The following LMO7 variants were observed in gnomAD, a reference collection of about 807,000 sequenced individuals.
LMO7 encodes LIM domain 7, also known as LIM domain only protein 7.
Under a neutral mutation model 206.5 loss-of-function variants are expected in LMO7, and 120 were observed. The ratio of observed to expected loss-of-function variants is 0.58; its 90% CI spans 0.50 to 0.68. The LOEUF (loss-of-function observed/expected upper bound fraction) is 0.68, where lower values mean the gene tolerates loss of function less well. Among genes scored for constraint, LMO7 ranks in the 30% least tolerant of loss-of-function variants. LMO7 has a pLI of 0.00. For missense variants in LMO7, 1,959 were observed against 1,957.9 expected (o/e 1.00, Z -0.01); for synonymous variants, 706 against 681.5 (o/e 1.04, Z -0.56).
intron 26 of LMO7, among the ~76,000 whole-genome samples, chr13:75,846,960 G>T (rs914352221): frequency 3.3e-5 from 5 of 151,084 alleles, no homozygotes; most frequent in Non-Finnish European, 5.9e-5. Flanking sequence ...GAACCCGGGA[G>T]GCAGAGGTTG....
At chr13:75,846,980 G>A (rs979610402) in intron 26 of LMO7, among the ~76,000 whole-genome samples, 1 of 147,978 alleles carries the variant, frequency 6.8e-6, no homozygotes, top group Non-Finnish European at 1.5e-5. Context: ...GCAGTGAGCC[G>A]AGATCGCTCC....
chr13:75,822,076 A>G (rs1389728386), intron 14 of LMO7, among the ~76,000 whole-genome samples: 2 of 152,156 alleles, frequency 1.3e-5, no homozygotes, highest in African/African-American at 2.4e-5. Context: ...ATTAGAATAT[A>G]TCTTACGTTT....
At chr13:75,760,511 T>C in intron 3 of LMO7, 1 of 1,281,620 alleles carries the variant, frequency 7.8e-7, no homozygotes, top group Non-Finnish European at 9.8e-7. Context: ...TGCCAACAGT[T>C]TCTGGGTGGG....
intron 28 of LMO7, 129 bp downstream of exon 28, chr13:75,853,517 T>C: frequency 1.2e-6 from 1 of 804,404 alleles, no homozygotes; most frequent in Non-Finnish European, 1.9e-6. Flanking sequence ...TCAAATTTGG[T>C]ATTCTAGTAT....
intron 15 of LMO7, among the ~76,000 whole-genome samples, chr13:75,827,258 C>A (rs1166826817): frequency 2.0e-5 from 3 of 152,048 alleles, no homozygotes; most frequent in Non-Finnish European, 2.9e-5. Flanking sequence ...CTTATTGGTG[C>A]TTTAGTGTGT....
intron 1 of LMO7, among the ~76,000 whole-genome samples, chr13:75,648,463 A>G (rs138815221): frequency 1.6e-3 from 245 of 152,232 alleles, no homozygotes; most frequent in Admixed American, 2.7e-3. Context: ...CAACCCCTTC[A>G]TTCATCTTCC....
At chr13:75,782,619 A>G (rs560192043) in intron 4 of LMO7, among the ~76,000 whole-genome samples, 3 of 152,214 alleles carry the variant, frequency 2.0e-5, no homozygotes, top group Admixed American at 6.5e-5. Flanking sequence ...TCTAGATGTC[A>G]TGTCTAAAAT....
chr13:75,697,346 TG>T (rs2041978632), intron 1 of LMO7, among the ~76,000 whole-genome samples: 2 of 152,166 alleles, frequency 1.3e-5, no homozygotes, highest in Non-Finnish European at 2.9e-5. Context: ...TCTACATGGC[TG>T]GGGAGGCCTC....
chr13:75,731,109 A>G (rs1286102610), intron 3 of LMO7, among the ~76,000 whole-genome samples: 1 of 151,858 alleles, frequency 6.6e-6, no homozygotes, highest in Non-Finnish European at 1.5e-5. Context: ...TATTCTGTTG[A>G]TTTGGGGTGG....
intron 4 of LMO7, among the ~76,000 whole-genome samples, chr13:75,765,306 C>T (rs1488883164): frequency 6.7e-6 from 1 of 148,968 alleles, no homozygotes; most frequent in Non-Finnish European, 1.5e-5. Flanking sequence ...ATAATTTAAA[C>T]CTAGTTTTAC....
intron 19 of LMO7, among the ~76,000 whole-genome samples, chr13:75,837,745 G>T (rs2059243840): frequency 6.6e-6 from 1 of 151,982 alleles, no homozygotes; most frequent in Non-Finnish European, 1.5e-5. Context: ...CATAAATGTT[G>T]TGAAAACTGT....
At chr13:75,703,320 G>A (rs1398092398) in intron 1 of LMO7, among the ~76,000 whole-genome samples, 1 of 152,230 alleles carries the variant, frequency 6.6e-6, no homozygotes, top group Non-Finnish European at 1.5e-5. Flanking sequence ...TTGGGTAAGA[G>A]CCTCCTGCTC....
chr13:75,849,986 T>C (rs1566616706), intron 27 of LMO7, among the ~76,000 whole-genome samples: 1 of 152,082 alleles, frequency 6.6e-6, no homozygotes, highest in Non-Finnish European at 1.5e-5. Flanking sequence ...AAAAAATAGA[T>C]GTGTGCCTGT....
intron 1 of LMO7, among the ~76,000 whole-genome samples, chr13:75,658,321 GAATT>G (rs943451400): frequency 1.1e-4 from 16 of 151,816 alleles, no homozygotes; most frequent in African/African-American, 3.4e-4. Context: ...ACAAGCTTTA[GAATT>G]AATTTTTTTT....
At chr13:75,671,601 A>G (rs1192767185) in intron 1 of LMO7, among the ~76,000 whole-genome samples, 1 of 152,148 alleles carries the variant, frequency 6.6e-6, no homozygotes, top group South Asian at 2.1e-4. Flanking sequence ...TGAAGCTGCC[A>G]TTTGTCACTC....
At chr13:75,656,533 CTT>C (rs1373568040) in intron 1 of LMO7, among the ~76,000 whole-genome samples, 1 of 152,088 alleles carries the variant, frequency 6.6e-6, no homozygotes, top group Non-Finnish European at 1.5e-5. Flanking sequence ...AACATTTTCT[CTT>C]AAGTTATGAC....
At chr13:75,804,232 G>T in intron 7 of LMO7, 57 bp from the exon 8 acceptor site, 1 of 1,563,152 alleles carries the variant, frequency 6.4e-7, no homozygotes, top group African/African-American at 1.4e-5. Flanking sequence ...CGCTGTGTGG[G>T]TTTCAGTTAG....
rs766727100 is a variant in LMO7, at chr13:75,796,621, T to G, written c.349-15T>G. The G allele has an allele frequency of 1.0e-6, 1 of 992,494 alleles. No individual in the cohort carries two copies. Among genetic ancestry groups the G allele is most frequent in the East Asian group, 5.9e-5 (1 of 16,944 alleles). The allele number at this position is 992,494 out of a possible 1,614,324, so 61.5% of individuals were successfully genotyped here. A position where few individuals can be genotyped will look rare whatever the true frequency, so the allele number is the denominator to read the frequency against. The stretch of plus-strand genomic sequence containing the variant: ...TCGACTGATCTTGTTGTTCATGGAT[T>G]TTTTTTTTTTTAAGGTTTTGATAAC... On this transcript the variant is annotated splice_polypyrimidine_tract_variant and intron_variant, in intron 5 of 30. Transcript: ENST00000377534.
chr13:75,809,657 C>T lies in LMO7; in HGVS notation c.1946+474C>T, dbSNP rs78669174. Among the ~76,000 whole-genome samples the T allele has an allele frequency of 7.1e-3, 1,072 of 151,950 alleles. 16 individuals carry two copies. In the East Asian group the frequency reaches 0.072, roughly 10 times the overall value. On this transcript the variant is annotated intron_variant, in intron 11 of 30. Coordinates refer to ENST00000377534, the MANE Select transcript of LMO7 (RefSeq NM_001306080.2). ...CCTATAATCGGCCAACTGGGAGCTTCGTTAGTAGGGATGCATTAAACTTCC... is the reference window on the plus strand; with the variant it reads ...CCTATAATCGGCCAACTGGGAGCTTTGTTAGTAGGGATGCATTAAACTTCC...
Sources: gnomAD v4.1 joint callset for allele counts (sites outside exome capture counted in the v4.1 genomes callset) on GRCh38, gnomAD v4.1.1 for gene constraint, MANE v1.5 for transcripts, NCBI Gene and HGNC (gene_info 2026-07-23, HGNC 2026-07-21) for gene names.